The following RAB3GAP1 variants were observed in gnomAD, a reference collection of about 807,000 sequenced individuals.
The protein encoded by RAB3GAP1 is RAB3 GTPase activating protein catalytic subunit 1.
Under a neutral mutation model 130.7 loss-of-function variants are expected in RAB3GAP1, and 86 were observed. That is an observed-to-expected ratio of 0.66 (90% CI 0.55 to 0.79). RAB3GAP1 has a LOEUF of 0.79. RAB3GAP1 is among the 30% of genes least tolerant of loss of function. The pLI, the probability that RAB3GAP1 is intolerant of heterozygous loss-of-function variation, is 0.00. For synonymous variants in RAB3GAP1, 367 were observed against 401.7 expected (o/e 0.91, Z 1.03); for missense variants, 1,029 against 1,169.4 (o/e 0.88, Z 1.75).
intron 8 of RAB3GAP1, 25 bp downstream of exon 8, chr2:135,120,943 A>C (rs1324071932): frequency 1.4e-6 from 2 of 1,427,186 alleles, no homozygotes; most frequent in East Asian, 4.5e-5. Context: ...AACTATATTT[A>C]ACTTACTGAA....
chr2:135,170,545 C>G lies in RAB3GAP1; in HGVS notation c.*1764C>G, dbSNP rs917952866. 10 of 152,358 alleles carry G rather than the reference C, an allele frequency of 6.6e-5. No individual in the cohort carries two copies. The highest frequency in any genetic ancestry group is 2.0e-4 in the Admixed American group (3 of 15,304). The allele number at this position is 152,358 out of a possible 1,614,324, so 9.4% of individuals were successfully genotyped here. On this transcript the variant is annotated 3_prime_UTR_variant, in exon 24 of 24. Transcript: ENST00000264158. ...AAGATAAAACAGAAACCAAAACACA[C>G]TCCCTTACAGGGAAAACTGACACCA...
intron 23 of RAB3GAP1, 48 bp downstream of exon 23, chr2:135,164,744 A>G: frequency 6.9e-7 from 1 of 1,445,806 alleles, no homozygotes; most frequent in Non-Finnish European, 9.6e-7. Flanking sequence ...CCAAACCTCT[A>G]CTTGGGAAGA....
At chr2:135,099,846 T>G (rs2104889268) in intron 5 of RAB3GAP1, among the ~76,000 whole-genome samples, 1 of 152,210 alleles carries the variant, frequency 6.6e-6, no homozygotes, top group East Asian at 1.9e-4. Flanking sequence ...TGTAGTGATT[T>G]GGATTGATGG....
Position 135,133,924 on chromosome 2 carries a change from C to G in RAB3GAP1, c.1390C>G (p.Leu464Val). The G allele has an allele frequency of 6.2e-7, 1 of 1,613,766 alleles. No individual in the cohort carries two copies. Among genetic ancestry groups the G allele is most frequent in the Non-Finnish European group, 8.5e-7 (1 of 1,179,726 alleles). The change falls in exon 15 of 24, where the codon CTC (leucine) becomes GTC (valine). Residue 464 changes from leucine to valine, a missense_variant. By Grantham distance (32) the Leu-to-Val change is conservative (BLOSUM62 1). Transcript: ENST00000264158. ...TTTAACATACAAACTGGCTTTGTGT[C>G]TCTGTATGATCAATTTTTACCATGG... ...DSLTYKLALC[L>V]CMINFYHGGL...
chr2:135,093,203 A>G (rs1368198556), intron 4 of RAB3GAP1, among the ~76,000 whole-genome samples: 3 of 152,194 alleles, frequency 2.0e-5, no homozygotes, highest in African/African-American at 7.2e-5. Context: ...GAAGTTTTAC[A>G]AGAACATTTA....
chr2:135,150,877 C>T (rs1692153838), intron 18 of RAB3GAP1, among the ~76,000 whole-genome samples: 1 of 152,134 alleles, frequency 6.6e-6, no homozygotes, highest in African/African-American at 2.4e-5. Context: ...GTACCTTGCA[C>T]TGTGACTAGA....
At position 135,060,910 on chromosome 2, in the gene RAB3GAP1, G is replaced by C. The variant is rs372171185; in HGVS notation, c.150+2824G>C. 4.5e-4 allele frequency among the ~76,000 whole-genome samples: 68 copies of C among 151,012 alleles called. 2 individuals carry two copies. The East Asian group carries it at 0.01, about 22-fold the overall frequency. ...AGTATTTTGTATTTTCACCACGTTG[G>C]CCAGGCTGGTCTCCAATTCCTGGCC... On this transcript the variant is annotated intron_variant, in intron 3 of 23. Transcript: ENST00000264158.
At chr2:135,066,005 C>A (rs994286608) in intron 3 of RAB3GAP1, among the ~76,000 whole-genome samples, 1 of 151,986 alleles carries the variant, frequency 6.6e-6, no homozygotes, top group African/African-American at 2.4e-5. Context: ...AATCTCTTGA[C>A]CTTGTGATCT....
intron 19 of RAB3GAP1, among the ~76,000 whole-genome samples, chr2:135,155,698 C>T (rs1485670227): frequency 6.6e-6 from 1 of 151,998 alleles, no homozygotes; most frequent in East Asian, 1.9e-4. Context: ...ACATATGAAC[C>T]TATAGGCTAT....
At chr2:135,124,621 C>T (rs1323232556) in intron 9 of RAB3GAP1, among the ~76,000 whole-genome samples, 3 of 152,072 alleles carry the variant, frequency 2.0e-5, no homozygotes, top group Admixed American at 6.6e-5. Context: ...GCTAAGATCA[C>T]GCCATTGCAC....
intron 3 of RAB3GAP1, chr2:135,059,150 C>G (rs1324528258): frequency 1.3e-5 from 2 of 152,070 alleles, no homozygotes; most frequent in African/African-American, 4.8e-5. Context: ...GCAATATATA[C>G]ATTGATTTAC....
intron 3 of RAB3GAP1, among the ~76,000 whole-genome samples, chr2:135,081,327 AATATATATATATATATATAT>A (rs1214688390): frequency 6.1e-4 from 39 of 64,036 alleles, no homozygotes; most frequent in African/African-American, 2.8e-3. Context: ...AAAAAAAAAA[AATATATATATATATATATAT>A]ATATATATAT....
intron 19 of RAB3GAP1, among the ~76,000 whole-genome samples, chr2:135,157,831 C>CAAAAAAA (rs58810979): frequency 1.1e-5 from 1 of 87,194 alleles, no homozygotes; most frequent in Non-Finnish European, 2.9e-5. Flanking sequence ...GAATCCATCT[C>CAAAAAAA]AAAAAAAAAA....
At chr2:135,138,193 A>C (rs1262167646) in intron 17 of RAB3GAP1, among the ~76,000 whole-genome samples, 1 of 151,780 alleles carries the variant, frequency 6.6e-6, no homozygotes, top group Admixed American at 6.6e-5. Context: ...CTGTAATCCC[A>C]ACACTTTGGG....
At chr2:135,077,434 G>T (rs562219713) in intron 3 of RAB3GAP1, among the ~76,000 whole-genome samples, 24 of 152,296 alleles carry the variant, frequency 1.6e-4, no homozygotes, top group African/African-American at 5.8e-4. Flanking sequence ...GCTCATGCCT[G>T]TAATCCCAGC....
intron 3 of RAB3GAP1, among the ~76,000 whole-genome samples, chr2:135,061,259 A>G (rs928878393): frequency 6.6e-6 from 1 of 152,140 alleles, no homozygotes; most frequent in Non-Finnish European, 1.5e-5. Context: ...TTATTGTATG[A>G]GGCCTTTTGT....
chr2:135,060,709 T>C (rs1285340314), intron 3 of RAB3GAP1, among the ~76,000 whole-genome samples: 2 of 151,402 alleles, frequency 1.3e-5, no homozygotes, highest in African/African-American at 4.9e-5. Context: ...ATTATTGTTA[T>C]TATTATTATT....
At chr2:135,151,628 T>C (rs1692175947) in intron 18 of RAB3GAP1, among the ~76,000 whole-genome samples, 3 of 152,234 alleles carry the variant, frequency 2.0e-5, no homozygotes, top group Non-Finnish European at 4.4e-5. Context: ...TATACTGCCA[T>C]GTGACAAGAA....
chr2:135,074,398 A>G (rs1689563659), intron 3 of RAB3GAP1, among the ~76,000 whole-genome samples: 1 of 152,252 alleles, frequency 6.6e-6, no homozygotes, highest in South Asian at 2.1e-4. Context: ...CCTTCAGGCT[A>G]TACCAGGGAG....
Sources: gnomAD v4.1 joint callset for allele counts (sites outside exome capture counted in the v4.1 genomes callset) on GRCh38, gnomAD v4.1.1 for gene constraint, MANE v1.5 for transcripts, NCBI Gene and HGNC (gene_info 2026-07-23, HGNC 2026-07-21) for gene names.